FXYD5: variants seen among roughly 807,000 people sequenced by gnomAD.
FXYD5 encodes the protein FXYD domain-containing ion transport regulator 5.
FXYD5 carries 21 observed loss-of-function variants against 25.7 expected under a neutral mutation model. That is an observed-to-expected ratio of 0.82 (90% CI 0.58 to 1.18). FXYD5 has a LOEUF of 1.18. FXYD5 is among the 50% of genes most tolerant of loss of function. The probability of loss-of-function intolerance (pLI) is 0.00; values close to 1 mark genes in which losing one functional copy is unlikely to be tolerated. For missense variants in FXYD5, 229 were observed against 227.7 expected (o/e 1.01, Z -0.04); for synonymous variants, 101 against 90.7 (o/e 1.11, Z -0.64).
chr19:35,162,408 A>G (rs2065414521), intron 5 of FXYD5, among the ~76,000 whole-genome samples: 1 of 152,216 alleles, frequency 6.6e-6, no homozygotes, highest in Non-Finnish European at 1.5e-5. Flanking sequence ...GGCTTAAACA[A>G]TAGGAATTCA....
chr19:35,160,565 C>T (rs187088142), intron 4 of FXYD5, 144 bp from the exon 5 acceptor site: 76 of 624,262 alleles, frequency 1.2e-4, no homozygotes, highest in African/African-American at 1.2e-3. Context: ...AGGCTGGTCT[C>T]GAACTCCCGA....
intron 8 of FXYD5, among the ~76,000 whole-genome samples, chr19:35,168,391 T>C (rs2065469363): frequency 6.6e-6 from 1 of 151,764 alleles, no homozygotes; most frequent in African/African-American, 2.4e-5. Context: ...CCTGGAGTGG[T>C]GAAATTGGAA....
In FXYD5 at chr19:35,169,438, T is replaced by C. The variant is rs1294685679; in HGVS notation, c.488-128T>C. 3 of 693,192 alleles carry C rather than the reference T, an allele frequency of 4.3e-6. No individual in the cohort carries two copies. The African/African-American group carries it at 5.3e-5, about 12-fold the overall frequency. The allele number at this position is 693,192 out of a possible 1,614,324, so 42.9% of individuals were successfully genotyped here. On this transcript the variant is annotated intron_variant, in intron 8 of 8. Transcript: ENST00000392219. ...TGTTCTCGGTGTGTTTCTCCATCAT[T>C]TGTTTATGGAGTTGCCTTTGAGTTT... is the stretch of plus-strand genomic sequence containing the variant.
intron 2 of FXYD5, among the ~76,000 whole-genome samples, 160 bp from the exon 3 acceptor site, chr19:35,157,261 A>G (rs976223383): frequency 1.3e-5 from 2 of 152,178 alleles, no homozygotes; most frequent in Admixed American, 6.5e-5. Context: ...AGGCATTGGC[A>G]TAGCTGAAAA....
At chr19:35,163,936 A>G (rs1301123150) in intron 5 of FXYD5, 4 of 1,410,694 alleles carry the variant, frequency 2.8e-6, no homozygotes, top group Non-Finnish European at 2.8e-6. Context: ...ATTGAGGCAG[A>G]TCAGATAGTC....
chr19:35,166,160 C>A lies in FXYD5; in HGVS notation c.401C>A (p.Pro134His), dbSNP rs1555739883. Residue 134 changes from proline (P) to histidine (H), a missense_variant, in exon 7 of 9, where the codon CCC (proline) becomes CAC (histidine). By Grantham distance (77) the Pro-to-His change is moderately conservative. Transcript: ENST00000392219. Reference protein sequence around the residue: ...LKPSGFHEDDPFFYDEHTLRK... With the variant: ...LKPSGFHEDDHFFYDEHTLRK... ...TCTCCAGGTTTTCATGAGGATGACCCCTTCTTCTATGGTAAGTTATCCACA... is the reference window on the plus strand; with the variant it reads ...TCTCCAGGTTTTCATGAGGATGACCACTTCTTCTATGGTAAGTTATCCACA... 2 of 1,613,980 alleles carry A rather than the reference C, an allele frequency of 1.2e-6. No homozygotes were observed. Among genetic ancestry groups the A allele is most frequent in the East Asian group, 4.5e-5 (2 of 44,882 alleles).
chr19:35,164,337 C>T, intron 6 of FXYD5, 92 bp downstream of exon 6: 9 of 1,296,674 alleles, frequency 6.9e-6, no homozygotes, highest in Non-Finnish European at 9.6e-6. Context: ...CAGAATAGTT[C>T]TCAGTAAAGA....
chr19:35,156,454 G>A (rs1303943554), intron 2 of FXYD5, among the ~76,000 whole-genome samples: 1 of 152,196 alleles, frequency 6.6e-6, no homozygotes, highest in South Asian at 2.1e-4. Flanking sequence ...AAATTATATC[G>A]TGTGCTAGGA....
At chr19:35,157,748 T>G in intron 3 of FXYD5, 1 of 376,634 alleles carries the variant, frequency 2.7e-6, no homozygotes, top group East Asian at 6.9e-5. Flanking sequence ...GGGGCCAAGA[T>G]GATCCCTTGA....
intron 5 of FXYD5, among the ~76,000 whole-genome samples, chr19:35,162,996 G>A (rs1367697602): frequency 6.6e-6 from 1 of 152,212 alleles, no homozygotes; most frequent in African/African-American, 2.4e-5. Flanking sequence ...ATCATCCTGT[G>A]TGGTGGGAAC....
intron 4 of FXYD5, chr19:35,159,482 G>T: frequency 6.5e-7 from 1 of 1,547,948 alleles, no homozygotes; most frequent in Non-Finnish European, 8.7e-7. Flanking sequence ...ATAAAGACTT[G>T]TTTTGTTTTC....
At chr19:35,167,758 G>A (rs137879508) in intron 8 of FXYD5, among the ~76,000 whole-genome samples, 26 of 152,260 alleles carry the variant, frequency 1.7e-4, no homozygotes, top group African/African-American at 6.3e-4. Flanking sequence ...CCTGATGTGT[G>A]CGTGATCCCC....
chr19:35,157,386 G>A, intron 2 of FXYD5, 35 bp from the exon 3 acceptor site: 1 of 1,205,850 alleles, frequency 8.3e-7, no homozygotes. Context: ...AGGGGGACCA[G>A]GCTCCCTCCT....
chr19:35,166,308 G>C lies in FXYD5; in HGVS notation c.470G>C (p.Gly157Ala). ...GTCGCAGCTGTGCTGTTCATCACAGGCATCATCATCCTCACCAGTGAGAAC... is the reference window on the plus strand; with the variant it reads ...GTCGCAGCTGTGCTGTTCATCACAGCCATCATCATCCTCACCAGTGAGAAC... ...LLVAAVLFIT[G>A]IIILTSGKCR... The change falls in exon 8 of 9, where the codon GGC becomes GCC. Residue 157 changes from glycine to alanine, a missense_variant. Gly to Ala is a moderately conservative substitution (Grantham distance 60). Coordinates refer to ENST00000392219, the MANE Select transcript of FXYD5 (RefSeq NM_014164.6). The C allele has an allele frequency of 6.3e-6, 10 of 1,590,958 alleles. No homozygotes were observed. The highest frequency in any genetic ancestry group is 7.7e-6 in the Non-Finnish European group (9 of 1,165,762).
intron 2 of FXYD5, 25 bp from the exon 3 acceptor site, chr19:35,157,396 T>C: frequency 1.4e-6 from 2 of 1,386,466 alleles, no homozygotes; most frequent in Non-Finnish European, 2.1e-6. Context: ...GGCTCCCTCC[T>C]GACTTCTCAT....
rs998195564 is a variant in FXYD5 at position 35,166,146 on chromosome 19, T to C, written c.387T>C (p.Phe129=). 2 of 1,613,990 alleles carry C rather than the reference T, an allele frequency of 1.2e-6. No individual in the cohort carries two copies. The highest frequency in any genetic ancestry group is 1.7e-6 in the Non-Finnish European group (2 of 1,179,962). The change falls in exon 7 of 9, where the codon TTT becomes TTC. Residue 129 remains phenylalanine (F), a synonymous_variant. Transcript: ENST00000392219. ...TDPQTLKPSG[F]HEDDPFFYDE... is the part of the protein sequence containing the mutation. ...GCTCTTTGTCTGCCTCTCCAGGTTT[T>C]CATGAGGATGACCCCTTCTTCTATG...
At chr19:35,162,392 C>T (rs1403423275) in intron 5 of FXYD5, among the ~76,000 whole-genome samples, 1 of 152,204 alleles carries the variant, frequency 6.6e-6, no homozygotes, top group Non-Finnish European at 1.5e-5. Flanking sequence ...ATACCACAGA[C>T]TGGATGGCTT....
intron 3 of FXYD5, among the ~76,000 whole-genome samples, chr19:35,157,967 A>G (rs1279419112): frequency 2.0e-5 from 3 of 152,220 alleles, no homozygotes; most frequent in Non-Finnish European, 4.4e-5. Flanking sequence ...GCCCCGCTGA[A>G]TAAAGTGGAC....
intron 8 of FXYD5, among the ~76,000 whole-genome samples, chr19:35,167,078 C>T (rs2065457185): frequency 6.6e-6 from 1 of 152,182 alleles, no homozygotes; most frequent in African/African-American, 2.4e-5. Context: ...CTTTTAAGAG[C>T]TTAATGTTTC....
Sources: gnomAD v4.1 joint callset for allele counts (sites outside exome capture counted in the v4.1 genomes callset) on GRCh38, gnomAD v4.1.1 for gene constraint, MANE v1.5 for transcripts, NCBI Gene and HGNC (gene_info 2026-07-23, HGNC 2026-07-21) for gene names.